DTNA: variants seen among roughly 807,000 people sequenced by gnomAD.
The protein encoded by DTNA is dystrophin-related protein 3.
In DTNA, 43 loss-of-function variants were observed where a neutral mutation model predicts 100.7. The observed-to-expected ratio is 0.43, with a 90% confidence interval of 0.33 to 0.55. The LOEUF is 0.55. DTNA is among the 20% of genes least tolerant of loss of function. DTNA has a pLI of 0.04. For missense variants in DTNA, 798 were observed against 953.9 expected (o/e 0.84, Z 2.15); for synonymous variants, 349 against 347.9 (o/e 1.00, Z -0.04).
chr18:34,774,352 C>T (rs896354584), intron 3 of DTNA, among the ~76,000 whole-genome samples: 2 of 152,208 alleles, frequency 1.3e-5, no homozygotes, highest in Non-Finnish European at 1.5e-5. Context: ...CTCAGGACTC[C>T]AGCACACATT....
chr18:34,599,859 A>G (rs1331405162), intron 1 of DTNA, among the ~76,000 whole-genome samples: 1 of 152,156 alleles, frequency 6.6e-6, no homozygotes. Context: ...TTGTATTTTT[A>G]GTAGAGACAG....
At chr18:34,572,269 C>T (rs1189450620) in intron 1 of DTNA, among the ~76,000 whole-genome samples, 2 of 152,260 alleles carry the variant, frequency 1.3e-5, no homozygotes, top group Admixed American at 1.3e-4. Flanking sequence ...TTCAAATCTG[C>T]TGTTTTTCTT....
chr18:34,747,879 G>A (rs1369208082), intron 1 of DTNA, among the ~76,000 whole-genome samples: 1 of 152,060 alleles, frequency 6.6e-6, no homozygotes, highest in Non-Finnish European at 1.5e-5. Context: ...TTCTTTAAGG[G>A]ATCTCCATAG....
chr18:34,543,461 G>A (rs2044452185), intron 1 of DTNA, among the ~76,000 whole-genome samples: 2 of 151,958 alleles, frequency 1.3e-5, no homozygotes, highest in African/African-American at 4.8e-5. Flanking sequence ...GTTTGTTCTT[G>A]GATAGGAAAG....
At chr18:34,744,249 A>G (rs768948764) in intron 1 of DTNA, among the ~76,000 whole-genome samples, 5 of 152,178 alleles carry the variant, frequency 3.3e-5, no homozygotes, top group Non-Finnish European at 5.9e-5. Context: ...TTCACTAAAA[A>G]TCACCCCAAA....
At chr18:34,821,739 C>G (rs1265757507) in intron 9 of DTNA, among the ~76,000 whole-genome samples, 1 of 152,196 alleles carries the variant, frequency 6.6e-6, no homozygotes, top group East Asian at 1.9e-4. Context: ...GTTTTCCACA[C>G]TTCAGTGGGA....
chr18:34,689,883 G>C (rs191248099), intron 1 of DTNA, among the ~76,000 whole-genome samples: 1 of 152,298 alleles, frequency 6.6e-6, no homozygotes, highest in Admixed American at 6.5e-5. Flanking sequence ...GGCTACAGTG[G>C]CTTTGAGGTG....
intron 1 of DTNA, among the ~76,000 whole-genome samples, chr18:34,696,776 A>G (rs916694162): frequency 1.3e-5 from 2 of 152,108 alleles, no homozygotes; most frequent in Non-Finnish European, 2.9e-5. Context: ...ATGAGAAAAA[A>G]TGTCACTACT....
intron 14 of DTNA, among the ~76,000 whole-genome samples, chr18:34,848,949 C>T (rs1434118931): frequency 6.6e-6 from 1 of 152,178 alleles, no homozygotes; most frequent in Admixed American, 6.5e-5. Flanking sequence ...GTTGCCTGCA[C>T]CTCTCACATC....
intron 1 of DTNA, among the ~76,000 whole-genome samples, chr18:34,684,362 T>C (rs1329674672): frequency 6.6e-6 from 1 of 152,128 alleles, no homozygotes; most frequent in Non-Finnish European, 1.5e-5. Flanking sequence ...TATGTTCTCA[T>C]TGTTCAACTC....
chr18:34,780,610 A>G lies in DTNA; in HGVS notation c.149-13427A>G, dbSNP rs1033751315. Reference sequence around the variant, plus strand: ...TAAAGTGAGAAAAATTTATGTAACTAAACAAGAATCAGAATCTGCTTCAAA... The same window carrying G: ...TAAAGTGAGAAAAATTTATGTAACTGAACAAGAATCAGAATCTGCTTCAAA... On this transcript the variant is annotated intron_variant, in intron 3 of 22. Transcript: ENST00000444659. 5.9e-5 allele frequency among the ~76,000 whole-genome samples: 9 copies of G among 152,350 alleles called. No individual in the cohort carries two copies. The South Asian group carries it at 1.9e-3, about 32-fold the overall frequency.
chr18:34,826,760 T>C (rs2095867477), intron 9 of DTNA, among the ~76,000 whole-genome samples: 2 of 152,084 alleles, frequency 1.3e-5, no homozygotes, highest in African/African-American at 4.8e-5. Context: ...TTATCCTATA[T>C]TGAACCTAAA....
intron 1 of DTNA, among the ~76,000 whole-genome samples, chr18:34,658,147 A>G (rs1041554550): frequency 6.6e-6 from 1 of 152,196 alleles, no homozygotes; most frequent in Admixed American, 6.6e-5. Context: ...GAAACTAAAA[A>G]GGAGAGAGTA....
At chr18:34,836,051 C>T (rs1370863697) in intron 11 of DTNA, among the ~76,000 whole-genome samples, 2 of 152,030 alleles carry the variant, frequency 1.3e-5, no homozygotes, top group Non-Finnish European at 2.9e-5. Flanking sequence ...TCTTTAGTTA[C>T]AAAAAAGAAT....
intron 3 of DTNA, among the ~76,000 whole-genome samples, chr18:34,775,109 T>C (rs933094290): frequency 2.6e-5 from 4 of 152,256 alleles, no homozygotes; most frequent in Admixed American, 2.0e-4. Flanking sequence ...TGTGATTAGA[T>C]TATGTTACAT....
At chr18:34,663,359 T>C (rs1008494011) in intron 1 of DTNA, among the ~76,000 whole-genome samples, 1 of 152,100 alleles carries the variant, frequency 6.6e-6, no homozygotes, top group African/African-American at 2.4e-5. Flanking sequence ...GGTCTTGATA[T>C]GTCTTGCTAT....
chr18:34,526,106 T>C (rs961797360), intron 1 of DTNA, among the ~76,000 whole-genome samples: 1 of 152,206 alleles, frequency 6.6e-6, no homozygotes, highest in African/African-American at 2.4e-5. Context: ...ACAGCACGGC[T>C]ACGTGTGTTC....
At chr18:34,624,452 T>A (rs1568050722) in intron 1 of DTNA, among the ~76,000 whole-genome samples, 1 of 152,198 alleles carries the variant, frequency 6.6e-6, no homozygotes, top group Non-Finnish European at 1.5e-5. Flanking sequence ...CTCACTAACT[T>A]ACATTTAAAT....
chr18:34,557,657 G>A (rs1226548041), intron 1 of DTNA, among the ~76,000 whole-genome samples: 1 of 151,906 alleles, frequency 6.6e-6, no homozygotes, highest in Non-Finnish European at 1.5e-5. Flanking sequence ...CCTGCTGGGG[G>A]GGTGCCTCCC....
Sources: allele counts gnomAD v4.1 joint callset (sites outside exome capture counted in the v4.1 genomes callset), GRCh38; gene constraint gnomAD v4.1.1; transcripts MANE v1.5; gene names NCBI Gene and HGNC (gene_info 2026-07-23, HGNC 2026-07-21).